The following TMEM178B variants were observed in gnomAD, a reference collection of about 807,000 sequenced individuals.
TMEM178B encodes the protein transmembrane protein 178B.
Under a neutral mutation model 31.0 loss-of-function variants are expected in TMEM178B, and 5 were observed. The observed-to-expected ratio is 0.16, with a 90% CI of 0.08 to 0.34. TMEM178B has a LOEUF of 0.34. Among genes scored for constraint, TMEM178B ranks in the 10% least tolerant of loss-of-function variants. The probability of loss-of-function intolerance (pLI) is 1.00; values close to 1 mark genes in which losing one functional copy is unlikely to be tolerated. For missense variants in TMEM178B, 275 were observed against 400.3 expected (o/e 0.69, Z 2.67); for synonymous variants, 164 against 164.0 (o/e 1.00, Z 0.00).
At position 141,207,823 on chromosome 7, in the gene TMEM178B, G is replaced by A. The variant is rs766964035; in HGVS notation, c.383-4768G>A. On this transcript the variant is annotated intron_variant, in intron 1 of 3. Transcript: ENST00000565468. Reference sequence around the variant, plus strand: ...TGTACTCCTAGCACTTTGGGAGGAAGAGGTGGAAGGATCACTTGAGCACAG... The same window carrying A: ...TGTACTCCTAGCACTTTGGGAGGAAAAGGTGGAAGGATCACTTGAGCACAG... 2.0e-4 allele frequency among the ~76,000 whole-genome samples: 30 copies of A among 152,258 alleles called. 1 individual carries two copies. The highest frequency in any genetic ancestry group is 3.4e-3 in the Middle Eastern group (1 of 294).
At chr7:141,465,086 C>T (rs1390554147) in intron 3 of TMEM178B, among the ~76,000 whole-genome samples, 2 of 152,172 alleles carry the variant, frequency 1.3e-5, no homozygotes, top group African/African-American at 2.4e-5. Context: ...TCAATAAATG[C>T]TTATGTGAAA....
intron 1 of TMEM178B, among the ~76,000 whole-genome samples, chr7:141,098,600 C>T (rs987488604): frequency 6.6e-6 from 1 of 152,152 alleles, no homozygotes; most frequent in African/African-American, 2.4e-5. Flanking sequence ...GCCTCAGTTT[C>T]CTTATCTATA....
the TMEM178B span, among the ~76,000 whole-genome samples, chr7:141,495,875 A>G: frequency 6.6e-6 from 1 of 152,212 alleles, no homozygotes; most frequent in African/African-American, 2.4e-5. Context: ...TTGTCCTTAG[A>G]CACAGTTGAG....
At chr7:141,440,628 GC>G (rs1262087411) in intron 3 of TMEM178B, among the ~76,000 whole-genome samples, 1 of 152,110 alleles carries the variant, frequency 6.6e-6, no homozygotes, top group African/African-American at 2.4e-5. Flanking sequence ...GCTCATCCAA[GC>G]TTTTAGTACT....
chr7:141,404,563 C>T (rs1470738023), intron 2 of TMEM178B, among the ~76,000 whole-genome samples: 4 of 152,108 alleles, frequency 2.6e-5, no homozygotes, highest in African/African-American at 9.7e-5. Flanking sequence ...TCAGATCTTC[C>T]TGTCCTTTCT....
intron 1 of TMEM178B, among the ~76,000 whole-genome samples, chr7:141,197,578 T>G (rs1490278234): frequency 2.0e-5 from 3 of 152,176 alleles, no homozygotes; most frequent in Non-Finnish European, 2.9e-5. Context: ...AGAAACATAA[T>G]TCATCTATTT....
intron 2 of TMEM178B, among the ~76,000 whole-genome samples, chr7:141,374,585 C>A (rs180729134): frequency 6.6e-6 from 1 of 152,164 alleles, no homozygotes; most frequent in Non-Finnish European, 1.5e-5. Flanking sequence ...AAAAACCCCA[C>A]GCGCATACAG....
At chr7:141,415,708 G>A (rs1801084186) in intron 2 of TMEM178B, among the ~76,000 whole-genome samples, 1 of 152,208 alleles carries the variant, frequency 6.6e-6, no homozygotes, top group African/African-American at 2.4e-5. Context: ...GACAGATTGC[G>A]AGGATGGTGA....
At chr7:141,086,297 T>G (rs1056843554) in intron 1 of TMEM178B, among the ~76,000 whole-genome samples, 6 of 152,204 alleles carry the variant, frequency 3.9e-5, no homozygotes, top group Non-Finnish European at 8.8e-5. Flanking sequence ...CCTTCCAAAG[T>G]GCTAGGATTA....
chr7:141,272,748 A>T (rs1319211411), intron 2 of TMEM178B, among the ~76,000 whole-genome samples: 1 of 152,218 alleles, frequency 6.6e-6, no homozygotes, highest in African/African-American at 2.4e-5. Context: ...CTGCTTTTAA[A>T]CATGACTTGC....
At chr7:141,329,594 A>G (rs1225918739) in intron 2 of TMEM178B, among the ~76,000 whole-genome samples, 3 of 152,180 alleles carry the variant, frequency 2.0e-5, no homozygotes, top group Non-Finnish European at 4.4e-5. Context: ...TGTTCAAAAG[A>G]ATGGAAAAAC....
At chr7:141,372,941 A>T (rs975584775) in intron 2 of TMEM178B, among the ~76,000 whole-genome samples, 4 of 152,162 alleles carry the variant, frequency 2.6e-5, no homozygotes, top group Non-Finnish European at 5.9e-5. Context: ...ACTAAAAGGG[A>T]TGGAAAAAAG....
intron 2 of TMEM178B, among the ~76,000 whole-genome samples, chr7:141,368,290 G>A (rs1412160002): frequency 6.6e-6 from 1 of 152,200 alleles, no homozygotes; most frequent in Non-Finnish European, 1.5e-5. Context: ...CTGCACTCCA[G>A]CCTGGGCGAT....
chr7:141,106,194 T>C (rs1795143529), intron 1 of TMEM178B, among the ~76,000 whole-genome samples: 1 of 152,116 alleles, frequency 6.6e-6, no homozygotes, highest in Non-Finnish European at 1.5e-5. Flanking sequence ...GCATTCTTCA[T>C]AGTTGTTTTT....
chr7:141,166,675 A>G (rs2129182291), intron 1 of TMEM178B, among the ~76,000 whole-genome samples: 1 of 152,314 alleles, frequency 6.6e-6, no homozygotes, highest in African/African-American at 2.4e-5. Flanking sequence ...TCTTTCATGT[A>G]TCAGGTGCTC....
chr7:141,297,248 G>A (rs1184844382), intron 2 of TMEM178B: 10 of 152,180 alleles, frequency 6.6e-5, no homozygotes, highest in Admixed American at 4.6e-4. Context: ...TAAAGTAGAA[G>A]TTAAACAAAG....
intron 2 of TMEM178B, among the ~76,000 whole-genome samples, chr7:141,417,047 C>T (rs565161838): frequency 1.2e-4 from 19 of 152,334 alleles, no homozygotes; most frequent in African/African-American, 4.6e-4. Context: ...AAGCCTTTCT[C>T]ATCATCTGCC....
chr7:141,116,397 A>G (rs1795318726), intron 1 of TMEM178B, among the ~76,000 whole-genome samples: 1 of 152,174 alleles, frequency 6.6e-6, no homozygotes, highest in South Asian at 2.1e-4. Flanking sequence ...ATATCCTGAG[A>G]CCAAGAGGGA....
At chr7:141,390,543 G>T (rs145148798) in intron 2 of TMEM178B, among the ~76,000 whole-genome samples, 1 of 152,228 alleles carries the variant, frequency 6.6e-6, no homozygotes, top group Non-Finnish European at 1.5e-5. Context: ...GGGCCGCCTG[G>T]TATCCCAGTG....
Sources: allele counts gnomAD v4.1 joint callset (sites outside exome capture counted in the v4.1 genomes callset), GRCh38; gene constraint gnomAD v4.1.1; transcripts MANE v1.5; gene names NCBI Gene and HGNC (gene_info 2026-07-23, HGNC 2026-07-21).